Variants in MAP3K20 observed in about 807,000 individuals in gnomAD.
MAP3K20 encodes HCCS-4.
A neutral mutation model predicts 85.7 loss-of-function variants in MAP3K20; 40 were observed. The ratio of observed to expected loss-of-function variants is 0.47; its 90% CI spans 0.36 to 0.61. MAP3K20 has a LOEUF of 0.61. MAP3K20 is among the 20% of genes least tolerant of loss of function. The probability of loss-of-function intolerance (pLI) is 0.00; values close to 1 mark genes in which losing one functional copy is unlikely to be tolerated. For missense variants in MAP3K20, 817 were observed against 961.7 expected, an observed-to-expected ratio of 0.85 and a Z score of 1.99; for synonymous variants, 325 against 327.7, an observed-to-expected ratio of 0.99 and a Z score of 0.09.
At chr2:173,223,462 A>G in intron 11 of MAP3K20, 1 of 985,452 alleles carries the variant, frequency 1.0e-6, no homozygotes, top group Non-Finnish European at 1.2e-6. Context: ...GAATGGTGCC[A>G]GTGAAGACAC....
At chr2:173,242,746 G>T (rs1189850031) in intron 16 of MAP3K20, among the ~76,000 whole-genome samples, 1 of 115,732 alleles carries the variant, frequency 8.6e-6, no homozygotes. Flanking sequence ...TCCTTCTGTT[G>T]CCCAGGCTGG....
At chr2:173,197,015 C>A (rs370289696) in intron 7 of MAP3K20, among the ~76,000 whole-genome samples, 1 of 151,820 alleles carries the variant, frequency 6.6e-6, no homozygotes, top group Non-Finnish European at 1.5e-5. Context: ...TAAGATGTAT[C>A]CAGTAGGATT....
At chr2:173,109,833 A>G (rs1331609828) in intron 2 of MAP3K20, among the ~76,000 whole-genome samples, 1 of 152,202 alleles carries the variant, frequency 6.6e-6, no homozygotes, top group Non-Finnish European at 1.5e-5. Flanking sequence ...CAATTCACAT[A>G]GCTGAATTGT....
At position 173,142,329 on chromosome 2, in the gene MAP3K20, C is replaced by T. The variant is rs142902152; in HGVS notation, c.160-27476C>T. ...CTACTAAAAATACCAAAAATAAGCC[C>T]GGCGTGGTGGTGGGTGCCTGTAGTC... On this transcript the variant is annotated intron_variant, in intron 2 of 19. Coordinates refer to ENST00000375213, the MANE Select transcript of MAP3K20 (RefSeq NM_016653.3). 4.2e-3 allele frequency among the ~76,000 whole-genome samples: 641 copies of T among 152,008 alleles called. 15 individuals carry two copies. The highest frequency in any genetic ancestry group is 0.035 in the Admixed American group (533 of 15,258).
At chr2:173,123,259 G>A (rs948525742) in intron 2 of MAP3K20, among the ~76,000 whole-genome samples, 2 of 152,186 alleles carry the variant, frequency 1.3e-5, no homozygotes, top group African/African-American at 4.8e-5. Flanking sequence ...CTAGTTAGGT[G>A]CATCTATATC....
At chr2:173,086,557 T>C (rs1343324250) in intron 1 of MAP3K20, among the ~76,000 whole-genome samples, 1 of 152,220 alleles carries the variant, frequency 6.6e-6, no homozygotes, top group East Asian at 1.9e-4. Context: ...ATTCAAGTAA[T>C]TGGATAGTTC....
At chr2:173,217,040 G>C in intron 10 of MAP3K20, 75 bp from the exon 11 acceptor site, 1 of 1,310,038 alleles carries the variant, frequency 7.6e-7, no homozygotes, top group Non-Finnish European at 9.9e-7. Flanking sequence ...ACTTTGATTA[G>C]CATTCTGATG....
At chr2:173,228,513 T>C (rs549756922) in intron 11 of MAP3K20, among the ~76,000 whole-genome samples, 1 of 152,256 alleles carries the variant, frequency 6.6e-6, no homozygotes, top group African/African-American at 2.4e-5. Flanking sequence ...AACTTAGCAT[T>C]CCAGTAAATG....
intron 2 of MAP3K20, among the ~76,000 whole-genome samples, chr2:173,093,996 G>T (rs943775351): frequency 9.8e-6 from 1 of 101,710 alleles, no homozygotes; most frequent in African/African-American, 3.7e-5. Context: ...TTGTGGGGTG[G>T]GGGGAGGGGG....
chr2:173,096,256 C>G (rs1306987011), intron 2 of MAP3K20, among the ~76,000 whole-genome samples: 1 of 152,094 alleles, frequency 6.6e-6, no homozygotes, highest in Non-Finnish European at 1.5e-5. Context: ...TACCACATGA[C>G]CCACACATTT....
chr2:173,217,074 C>G (rs776046686), intron 10 of MAP3K20, 41 bp from the exon 11 acceptor site: 1 of 1,424,402 alleles, frequency 7.0e-7, no homozygotes, highest in Middle Eastern at 1.9e-4. Flanking sequence ...CTTGATGTCT[C>G]TTAAGTAAAG....
chr2:173,085,509 A>G (rs1382087968), intron 1 of MAP3K20, among the ~76,000 whole-genome samples: 4 of 152,274 alleles, frequency 2.6e-5, no homozygotes, highest in South Asian at 4.1e-4. Context: ...TTTAAGGAAA[A>G]CTTTAAATTA....
intron 10 of MAP3K20, 96 bp downstream of exon 10, chr2:173,209,931 G>C: frequency 9.0e-7 from 1 of 1,113,306 alleles, no homozygotes; most frequent in Non-Finnish European, 1.4e-6. Flanking sequence ...TGACAGTCCT[G>C]ATTTCTGACC....
intron 10 of MAP3K20, 135 bp from the exon 11 acceptor site, chr2:173,216,968 GAAAGATTCCTTC>G (rs1684091018): frequency 3.9e-6 from 3 of 769,294 alleles, no homozygotes; most frequent in Non-Finnish European, 3.7e-6. Flanking sequence ...TTAAGGACAT[GAAAGATTCCTTC>G]TCCTCCGGCA....
intron 16 of MAP3K20, among the ~76,000 whole-genome samples, chr2:173,250,574 T>C (rs1685019528): frequency 6.6e-6 from 1 of 152,230 alleles, no homozygotes; most frequent in Admixed American, 6.5e-5. Context: ...TGCGTTCGCA[T>C]GGACACCATC....
rs76128618 is a variant in MAP3K20, at chr2:173,117,261, A to G, written c.159+26071A>G. Among the ~76,000 whole-genome samples, 562 of 152,222 alleles carry G rather than the reference A, an allele frequency of 3.7e-3. 8 individuals carry two copies. Among genetic ancestry groups the G allele is most frequent in the African/African-American group, 0.013 (537 of 41,554 alleles). On this transcript the variant is annotated intron_variant, in intron 2 of 19. Transcript: ENST00000375213. ...TTTCTTTTTTGAAGCAGGGATATGT[A>G]GTTTTAAACTTCCTCATTTATTTAT...
intron 2 of MAP3K20, among the ~76,000 whole-genome samples, chr2:173,106,409 C>T (rs1449480818): frequency 6.6e-6 from 1 of 152,120 alleles, no homozygotes; most frequent in Non-Finnish European, 1.5e-5. Flanking sequence ...AGATTTTTGA[C>T]AAAGATGCCA....
At chr2:173,222,387 A>G in intron 11 of MAP3K20, 1 of 985,886 alleles carries the variant, frequency 1.0e-6, no homozygotes, top group African/African-American at 1.7e-5. Flanking sequence ...TTTGAAGGAA[A>G]AATACCCTGA....
At chr2:173,101,244 A>T (rs562247745) in intron 2 of MAP3K20, among the ~76,000 whole-genome samples, 2 of 152,316 alleles carry the variant, frequency 1.3e-5, no homozygotes, top group South Asian at 4.1e-4. Flanking sequence ...GTGTGACCAT[A>T]AAAATGTTTT....
Sources: gnomAD v4.1 joint callset for allele counts (sites outside exome capture counted in the v4.1 genomes callset) on GRCh38, gnomAD v4.1.1 for gene constraint, MANE v1.5 for transcripts, NCBI Gene and HGNC (gene_info 2026-07-23, HGNC 2026-07-21) for gene names.